PIP4P2: variants seen among roughly 807,000 people sequenced by gnomAD.
The protein encoded by PIP4P2 is phosphatidylinositol-4,5-bisphosphate 4-phosphatase 2.
PIP4P2 carries 19 observed loss-of-function variants against 33.3 expected under a neutral mutation model. The observed-to-expected ratio is 0.57, with a 90% CI of 0.40 to 0.84. PIP4P2 has a LOEUF of 0.84. PIP4P2 is among the 40% of genes least tolerant of loss of function. The pLI is 0.00. For synonymous variants in PIP4P2, 110 were observed against 111.9 expected (o/e 0.98, Z 0.11); for missense variants, 270 against 324.7 (o/e 0.83, Z 1.29).
intron 3 of PIP4P2, among the ~76,000 whole-genome samples, chr8:91,019,939 A>C (rs1054285341): frequency 6.6e-6 from 1 of 152,186 alleles, no homozygotes; most frequent in East Asian, 1.9e-4. Context: ...CACAAAGAAA[A>C]CATTCATTGC....
chr8:91,024,941 C>T (rs1428092007), intron 1 of PIP4P2, among the ~76,000 whole-genome samples: 1 of 152,030 alleles, frequency 6.6e-6, no homozygotes, highest in Non-Finnish European at 1.5e-5. Context: ...AGAAAACAAA[C>T]CCAGAAATTC....
chr8:91,025,170 A>C (rs1411489974), intron 1 of PIP4P2, among the ~76,000 whole-genome samples: 1 of 150,918 alleles, frequency 6.6e-6, no homozygotes, highest in East Asian at 2.0e-4. Context: ...TAAGAGGAAG[A>C]GGAGAAGGAA....
At chr8:91,011,858 T>A (rs1002358451) in intron 4 of PIP4P2, among the ~76,000 whole-genome samples, 1 of 152,066 alleles carries the variant, frequency 6.6e-6, no homozygotes, top group African/African-American at 2.4e-5. Flanking sequence ...GCTGTGAGAA[T>A]ATGGAGAAGC....
At chr8:91,010,281 A>G (rs1300564078) in intron 4 of PIP4P2, among the ~76,000 whole-genome samples, 1 of 151,904 alleles carries the variant, frequency 6.6e-6, no homozygotes, top group Non-Finnish European at 1.5e-5. Context: ...GTTATTTATA[A>G]ATAAAAAATT....
intron 4 of PIP4P2, among the ~76,000 whole-genome samples, chr8:91,013,451 G>A (rs914578441): frequency 6.6e-6 from 1 of 152,038 alleles, no homozygotes; most frequent in Non-Finnish European, 1.5e-5. Flanking sequence ...TAACAAATAT[G>A]CTTTATATAT....
At chr8:90,998,112 G>C (rs1811653608) in intron 5 of PIP4P2, among the ~76,000 whole-genome samples, 1 of 151,894 alleles carries the variant, frequency 6.6e-6, no homozygotes, top group Non-Finnish European at 1.5e-5. Context: ...TGCATCCACT[G>C]GTGGTTTTTC....
intron 1 of PIP4P2, 126 bp downstream of exon 1, chr8:91,040,518 C>T: frequency 9.2e-7 from 1 of 1,086,906 alleles, no homozygotes; most frequent in Non-Finnish European, 1.4e-6. Flanking sequence ...CAGTCAGCAT[C>T]CTTCCTCAGC....
At chr8:91,024,798 T>G (rs577083759) in intron 1 of PIP4P2, among the ~76,000 whole-genome samples, 16 of 152,192 alleles carry the variant, frequency 1.1e-4, no homozygotes, top group East Asian at 3.9e-4. Flanking sequence ...TTTTCCTCCA[T>G]GTGAGCAGTA....
intron 1 of PIP4P2, among the ~76,000 whole-genome samples, chr8:91,030,051 T>C (rs1295723452): frequency 6.6e-6 from 1 of 151,990 alleles, no homozygotes; most frequent in African/African-American, 2.4e-5. Flanking sequence ...GCAACAGAAA[T>C]TAGAAAAGAC....
rs1230170204 is a variant in PIP4P2, at chr8:90,997,762, A to G, written c.540-1018T>C. Among the ~76,000 whole-genome samples the G allele has an allele frequency of 3.9e-5, 6 of 152,254 alleles. No homozygotes were observed. The East Asian group carries it at 7.7e-4, about 20-fold the overall frequency. Reference sequence around the variant, plus strand: ...CCAGTGTCAAGATTATGCCTAACACATAATAACCTCTCAAAGAATGTCTGA... The same window carrying G: ...CCAGTGTCAAGATTATGCCTAACACGTAATAACCTCTCAAAGAATGTCTGA... On this transcript the variant is annotated intron_variant, in intron 5 of 6. Transcript: ENST00000285419.
intron 1 of PIP4P2, among the ~76,000 whole-genome samples, chr8:91,039,217 G>T (rs1351366689): frequency 6.6e-6 from 1 of 152,122 alleles, no homozygotes; most frequent in Non-Finnish European, 1.5e-5. Flanking sequence ...ATACGATTTA[G>T]ATAACAGTAA....
At chr8:91,008,927 GT>G (rs1586176945) in intron 4 of PIP4P2, 132 bp from the exon 5 acceptor site, 4 of 630,486 alleles carry the variant, frequency 6.3e-6, no homozygotes, top group Non-Finnish European at 1.0e-5. Context: ...GGTTACATGA[GT>G]TTTTCCCTCC....
At position 91,040,634 on chromosome 8, in the gene PIP4P2, C is replaced by A. The variant is rs767176136; in HGVS notation, c.106+10G>T. 1 of 1,613,702 alleles carries A rather than the reference C, an allele frequency of 6.2e-7. No homozygotes were observed. The highest frequency in any genetic ancestry group is 1.7e-5 in the Admixed American group (1 of 60,026). ...TCCTTGCAAAGTAGAGGGATCTACG[C>A]TGGCCTTACCTCTGGGGCTGCTTTC... is the stretch of plus-strand genomic sequence containing the variant. On this transcript the variant is annotated intron_variant, in intron 1 of 6. Transcript: ENST00000285419.
intron 1 of PIP4P2, among the ~76,000 whole-genome samples, chr8:91,034,715 C>T (rs1175162283): frequency 2.6e-5 from 4 of 152,130 alleles, no homozygotes; most frequent in African/African-American, 9.7e-5. Flanking sequence ...GAATCCTTGG[C>T]AAGTAAAGTG....
At chr8:91,001,804 G>C (rs1811703283) in intron 5 of PIP4P2, among the ~76,000 whole-genome samples, 1 of 151,768 alleles carries the variant, frequency 6.6e-6, no homozygotes, top group African/African-American at 2.4e-5. Context: ...ACTTATTTTG[G>C]CAGATCTCAA....
chr8:90,996,620 G>C, intron 6 of PIP4P2, 34 bp downstream of exon 6: 1 of 1,559,252 alleles, frequency 6.4e-7, no homozygotes, highest in Non-Finnish European at 8.7e-7. Flanking sequence ...AAAGTTGAGA[G>C]GACAGAATTC....
intron 4 of PIP4P2, chr8:91,016,855 CA>C (rs1811921914): frequency 6.6e-6 from 1 of 152,082 alleles, no homozygotes; most frequent in African/African-American, 2.4e-5. Flanking sequence ...TATAGTTCTA[CA>C]CAAGAATATG....
chr8:91,009,026 G>A (rs1222619148), intron 4 of PIP4P2, among the ~76,000 whole-genome samples: 7 of 152,046 alleles, frequency 4.6e-5, no homozygotes, highest in African/African-American at 4.8e-5. Context: ...ACGCAATCTA[G>A]GTTTGCTTTA....
intron 1 of PIP4P2, 90 bp from the exon 2 acceptor site, chr8:91,021,494 A>G: frequency 7.1e-7 from 1 of 1,416,778 alleles, no homozygotes; most frequent in Non-Finnish European, 9.5e-7. Context: ...AGAAGAAACA[A>G]TCAAGATTTT....
Sources: gnomAD v4.1 joint callset for allele counts (sites outside exome capture counted in the v4.1 genomes callset) on GRCh38, gnomAD v4.1.1 for gene constraint, MANE v1.5 for transcripts, NCBI Gene and HGNC (gene_info 2026-07-23, HGNC 2026-07-21) for gene names.